The following COL6A6 variants were observed in gnomAD, a reference collection of about 807,000 sequenced individuals.
COL6A6 encodes collagen type VI alpha 6 chain.
In COL6A6, 183 loss-of-function variants were observed where a neutral mutation model predicts 208.6. That is an observed-to-expected ratio of 0.88 (90% CI 0.78 to 0.99). The LOEUF (loss-of-function observed/expected upper bound fraction) is 0.99. Among genes scored for constraint, COL6A6 ranks in the 50% least tolerant of loss-of-function variants. The pLI is 0.00. For missense variants in COL6A6, 2,816 were observed against 2,815.2 expected (o/e 1.00, Z -0.01); for synonymous variants, 973 against 1,011.8 (o/e 0.96, Z 0.73).
At chr3:130,577,117 G>A (rs1295119583) in intron 8 of COL6A6, among the ~76,000 whole-genome samples, 2 of 152,182 alleles carry the variant, frequency 1.3e-5, no homozygotes, top group Non-Finnish European at 2.9e-5. Context: ...TCTACGAAGG[G>A]TCAAGCCTGG....
In COL6A6 at chr3:130,554,174, T is replaced by C. The variant is rs543831937; in HGVS notation, c.-31-6160T>C. 2.6e-5 allele frequency among the ~76,000 whole-genome samples: 4 copies of C among 152,368 alleles called. No homozygotes were observed. The South Asian group carries it at 8.3e-4, about 32-fold the overall frequency. On this transcript the variant is annotated intron_variant, in intron 1 of 36. Coordinates refer to ENST00000358511, the MANE Select transcript of COL6A6 (RefSeq NM_001102608.3). ...TGGTGGCAGCAAGCTCTGTGCAGTT[T>C]TGCATGTGGCACCAGCAGCAATAAT...
Position 130,649,140 on chromosome 3 carries a change from C to T in COL6A6, c.5311C>T (p.Gln1771Ter), listed in dbSNP as rs1448708191. Residue 1771 changes from glutamine to a stop codon, truncating the protein, a stop_gained, in exon 33 of 37, where the codon CAG becomes TAG. Transcript: ENST00000358511. LOFTEE classifies it high-confidence loss of function. ...ALDHSRDVTE[Q>*]EFERMKEMMA... ...GGACCACTCCCGGGATGTCACTGAG[C>T]AGGAATTTGAGCGGATGAAGGAGAT... The T allele has an allele frequency of 1.3e-6, 2 of 1,588,706 alleles. No individual in the cohort carries two copies. Among genetic ancestry groups the T allele is most frequent in the Non-Finnish European group, 1.7e-6 (2 of 1,167,122 alleles).
At chr3:130,536,878 T>C (rs188243987) in intron 1 of COL6A6, among the ~76,000 whole-genome samples, 17 of 152,350 alleles carry the variant, frequency 1.1e-4, no homozygotes, top group Admixed American at 7.8e-4. Context: ...GGAGTCCAAT[T>C]AGAAAGCTTT....
chr3:130,555,064 C>A (rs938156191), intron 1 of COL6A6, among the ~76,000 whole-genome samples: 1 of 152,150 alleles, frequency 6.6e-6, no homozygotes, highest in African/African-American at 2.4e-5. Flanking sequence ...TCCAACAGTT[C>A]CTCTAAGGCA....
chr3:130,614,764 C>G (rs2064464717), intron 23 of COL6A6, among the ~76,000 whole-genome samples: 1 of 152,098 alleles, frequency 6.6e-6, no homozygotes, highest in Admixed American at 6.6e-5. Flanking sequence ...AGGAATTTAT[C>G]TATTACTTCT....
chr3:130,593,096 C>G lies in COL6A6; in HGVS notation c.4407C>G (p.Asn1469Lys), dbSNP rs774517921. Residue 1469 changes from asparagine to lysine, a missense_variant, in exon 16 of 37, where the codon AAC (asparagine) becomes AAG (lysine). Asn to Lys is a moderately conservative substitution (Grantham distance 94). Transcript: ENST00000358511. ...EVGENGIDGL[N>K]GEQGDNGLPG... ...GGGAAAATGGAATTGACGGATTAAA[C>G]GGAGAACAGGTAGAGCCTTCTTGTA... 1.9e-6 allele frequency: 3 copies of G among 1,613,356 alleles called. No individual in the cohort carries two copies. Among genetic ancestry groups the G allele is most frequent in the Non-Finnish European group, 2.5e-6 (3 of 1,179,480 alleles).
At chr3:130,576,611 CAG>C (rs757551419) in intron 8 of COL6A6, among the ~76,000 whole-genome samples, 23 of 151,814 alleles carry the variant, frequency 1.5e-4, no homozygotes, top group Non-Finnish European at 1.6e-4. Context: ...AAGTAAAAAA[CAG>C]AAGTATGAAC....
rs1432235815 is a variant in COL6A6, at chr3:130,622,889, T to G, written c.4878+1006T>G. ...AGAAAATACAGACTTTAAGCAGGACTTAGAAGATAAAAATTTTGGCAAGCA... is the reference window on the plus strand; with the variant it reads ...AGAAAATACAGACTTTAAGCAGGACGTAGAAGATAAAAATTTTGGCAAGCA... On this transcript the variant is annotated intron_variant, in intron 24 of 36. Coordinates refer to ENST00000358511, the MANE Select transcript of COL6A6 (RefSeq NM_001102608.3). Among the ~76,000 whole-genome samples, 3 of 151,362 alleles carry G rather than the reference T, an allele frequency of 2.0e-5. No individual in the cohort carries two copies. In the East Asian group the frequency reaches 5.9e-4, roughly 30 times the overall value.
At chr3:130,613,924 A>G (rs907689059) in intron 23 of COL6A6, among the ~76,000 whole-genome samples, 1 of 152,126 alleles carries the variant, frequency 6.6e-6, no homozygotes, top group Admixed American at 6.5e-5. Context: ...GGCAGAGACT[A>G]CTGGGTTTTT....
chr3:130,523,412 G>C (rs1046047760), intron 1 of COL6A6, among the ~76,000 whole-genome samples: 7 of 152,148 alleles, frequency 4.6e-5, no homozygotes, highest in African/African-American at 1.7e-4. Flanking sequence ...TTCAGTGCCA[G>C]CTACTGAAGT....
chr3:130,599,728 C>T (rs375082038), intron 19 of COL6A6, 29 bp from the exon 20 acceptor site: 73 of 1,611,798 alleles, frequency 4.5e-5, no homozygotes, highest in Admixed American at 1.3e-4. Flanking sequence ...GCATAATTAC[C>T]GTCACACATC....
chr3:130,517,643 C>T (rs547341496), intron 1 of COL6A6, among the ~76,000 whole-genome samples: 20 of 152,370 alleles, frequency 1.3e-4, no homozygotes, highest in African/African-American at 4.6e-4. Context: ...GAAGAACCTA[C>T]AGCACACTCT....
chr3:130,577,406 A>C (rs561819647), intron 8 of COL6A6, among the ~76,000 whole-genome samples: 1 of 152,204 alleles, frequency 6.6e-6, no homozygotes, highest in Non-Finnish European at 1.5e-5. Context: ...TGACATTATA[A>C]AGAACTAATA....
chr3:130,594,140 G>C (rs1171013348), intron 17 of COL6A6, 141 bp from the exon 18 acceptor site: 1 of 667,732 alleles, frequency 1.5e-6, no homozygotes, highest in East Asian at 2.8e-5. Context: ...TAATTTTTTC[G>C]GTTGTTCATC....
At chr3:130,587,984 A>G (rs372274058) in intron 11 of COL6A6, among the ~76,000 whole-genome samples, 1 of 152,220 alleles carries the variant, frequency 6.6e-6, no homozygotes, top group Non-Finnish European at 1.5e-5. Context: ...ACACTCTACA[A>G]GAAAAACTTA....
intron 6 of COL6A6, among the ~76,000 whole-genome samples, chr3:130,569,127 C>G (rs6775996): frequency 0.99 from 150,873 of 152,354 alleles, 74,707 homozygotes; most frequent in East Asian, 1. Context: ...GCTGAGGCAG[C>G]CCTGGCATTT....
At chr3:130,598,475 C>T (rs2063911955) in intron 19 of COL6A6, 45 bp downstream of exon 19, 3 of 1,283,860 alleles carry the variant, frequency 2.3e-6, no homozygotes, top group Non-Finnish European at 3.3e-6. Context: ...AACTGTGGGG[C>T]TTAAGTTCTT....
rs114818609 is a variant in COL6A6 at position 130,566,842 on chromosome 3, G to A, written c.1423G>A (p.Val475Ile). ...MFNIAPHKVRVGAVQYADSWD... is the reference protein window; with the variant it reads ...MFNIAPHKVRIGAVQYADSWD... ...CAACATTGCTCCCCATAAGGTGCGG[G>A]TTGGGGCCGTTCAGTATGCTGACAG... Residue 475 changes from valine to isoleucine, a missense_variant, in exon 5 of 37, where the codon GTT (valine) becomes ATT (isoleucine). Physicochemically the swap from Val to Ile is conservative, Grantham distance 29. Transcript: ENST00000358511. The A allele has an allele frequency of 1.1e-3, 1,750 of 1,614,008 alleles. 10 individuals carry two copies. In the African/African-American group the frequency reaches 0.019, roughly 17 times the overall value.
intron 33 of COL6A6, among the ~76,000 whole-genome samples, chr3:130,657,977 T>C (rs1576412923): frequency 6.6e-6 from 1 of 152,170 alleles, no homozygotes; most frequent in East Asian, 1.9e-4. Flanking sequence ...AGAGCCTCCT[T>C]ATCTTCCCCC....
Sources: gnomAD v4.1 joint callset for allele counts (sites outside exome capture counted in the v4.1 genomes callset) on GRCh38, gnomAD v4.1.1 for gene constraint, MANE v1.5 for transcripts, NCBI Gene and HGNC (gene_info 2026-07-23, HGNC 2026-07-21) for gene names.